CYTH1: variants seen among roughly 807,000 people sequenced by gnomAD.
CYTH1 encodes cytohesin 1.
A neutral mutation model predicts 61.8 loss-of-function variants in CYTH1; 18 were observed. That is an observed-to-expected ratio of 0.29 (90% confidence interval 0.20 to 0.43). CYTH1 has a LOEUF of 0.43. CYTH1 is among the 20% of genes least tolerant of loss of function. CYTH1 has a pLI of 1.00. For synonymous variants in CYTH1, 174 were observed against 184.3 expected (o/e 0.94, Z 0.45); for missense variants, 336 against 510.5 (o/e 0.66, Z 3.29).
At chr17:78,696,230 C>A (rs912984746) in intron 9 of CYTH1, among the ~76,000 whole-genome samples, 1 of 152,204 alleles carries the variant, frequency 6.6e-6, no homozygotes, top group Non-Finnish European at 1.5e-5. Context: ...CTCTTACATG[C>A]CACGTTCCAC....
intron 1 of CYTH1, among the ~76,000 whole-genome samples, chr17:78,714,690 T>G (rs1023522119): frequency 2.0e-5 from 3 of 152,146 alleles, no homozygotes; most frequent in Non-Finnish European, 2.9e-5. Context: ...TCACTCGCCC[T>G]GAAGCCAAGC....
At chr17:78,698,244 A>G in intron 9 of CYTH1, 25 bp downstream of exon 9, 2 of 1,579,692 alleles carry the variant, frequency 1.3e-6, no homozygotes, top group East Asian at 2.2e-5. Flanking sequence ...CAGCTTTAGG[A>G]GCCCTGACTC....
Position 78,759,090 on chromosome 17 carries a change from G to A in CYTH1, c.22+23112C>T, listed in dbSNP as rs1216561159. On this transcript the variant is annotated intron_variant, in intron 1 of 13. Transcript: ENST00000446868. ...TGCACTCCAGCCTGGTCAACAGAGT[G>A]AGATCCTGTCTCAAAACAGAAAGAA... Among the ~76,000 whole-genome samples the A allele has an allele frequency of 1.2e-4, 19 of 152,264 alleles. No individual in the cohort carries two copies. In the East Asian group the frequency reaches 1.5e-3, roughly 12 times the overall value.
intron 10 of CYTH1, 140 bp from the exon 11 acceptor site, chr17:78,692,633 C>T (rs1795456541): frequency 5.8e-6 from 4 of 690,312 alleles, no homozygotes; most frequent in Non-Finnish European, 1.0e-5. Context: ...ACATTGACAT[C>T]AGTAACAAGA....
intron 1 of CYTH1, among the ~76,000 whole-genome samples, chr17:78,729,793 T>A (rs140751276): frequency 1.7e-4 from 26 of 152,264 alleles, no homozygotes; most frequent in African/African-American, 4.6e-4. Flanking sequence ...CAGAATACCT[T>A]CTCACAAGTA....
At position 78,711,896 on chromosome 17, in the gene CYTH1, T is replaced by G. The variant is rs1483485656; in HGVS notation, c.23-2164A>C. ...ATTGGGACCAGCATGGACAACATGGTGAAACCCTGTCTCTACTAAAAAAAA... is the reference window on the plus strand; with the variant it reads ...ATTGGGACCAGCATGGACAACATGGGGAAACCCTGTCTCTACTAAAAAAAA... On this transcript the variant is annotated intron_variant, in intron 1 of 13. Transcript: ENST00000446868. Among the ~76,000 whole-genome samples the G allele has an allele frequency of 2.6e-5, 4 of 151,622 alleles. No homozygotes were observed. The East Asian group carries it at 7.8e-4, about 29-fold the overall frequency.
At chr17:78,724,604 C>T (rs911921165) in intron 1 of CYTH1, among the ~76,000 whole-genome samples, 1 of 152,230 alleles carries the variant, frequency 6.6e-6, no homozygotes, top group Non-Finnish European at 1.5e-5. Flanking sequence ...CCAGGCATTG[C>T]TGAATGTCCC....
chr17:78,713,203 G>A (rs1358622534), intron 1 of CYTH1, among the ~76,000 whole-genome samples: 2 of 151,930 alleles, frequency 1.3e-5, no homozygotes, highest in African/African-American at 2.4e-5. Context: ...TGCGTACACC[G>A]TTCTACAGAA....
At chr17:78,676,718 C>A (rs1176996985) in intron 13 of CYTH1, 1 of 336,292 alleles carries the variant, frequency 3.0e-6, no homozygotes, top group Non-Finnish European at 5.8e-6. Context: ...CATGGACAGA[C>A]CGGCTGGACC....
At chr17:78,689,287 T>C (rs1472924892) in intron 11 of CYTH1, among the ~76,000 whole-genome samples, 1 of 152,178 alleles carries the variant, frequency 6.6e-6, no homozygotes, top group East Asian at 1.9e-4. Flanking sequence ...ACTGATGTAT[T>C]ATTATGGTCT....
chr17:78,687,931 A>C (rs917800783), intron 11 of CYTH1, among the ~76,000 whole-genome samples: 1 of 152,148 alleles, frequency 6.6e-6, no homozygotes, highest in Non-Finnish European at 1.5e-5. Context: ...GCCTTTAGAG[A>C]GCGTCTCACT....
intron 1 of CYTH1, among the ~76,000 whole-genome samples, chr17:78,774,664 G>A (rs35392193): frequency 0.054 from 8,182 of 152,086 alleles, 409 homozygotes; most frequent in South Asian, 0.12. Context: ...TCCCCAGCCC[G>A]CAGCAGCACC....
chr17:78,774,976 G>C (rs757890224), intron 1 of CYTH1, among the ~76,000 whole-genome samples: 1 of 152,254 alleles, frequency 6.6e-6, no homozygotes, highest in African/African-American at 2.4e-5. Flanking sequence ...AATCGGGTTA[G>C]AACTGCCGCA....
At chr17:78,698,175 ACACGCG>A in intron 9 of CYTH1, 88 bp downstream of exon 9, 1 of 1,016,924 alleles carries the variant, frequency 9.8e-7, no homozygotes, top group Non-Finnish European at 1.5e-6. Context: ...ACAAACACGC[ACACGCG>A]CACACACGCA....
chr17:78,687,656 A>G (rs1368665111), intron 11 of CYTH1, among the ~76,000 whole-genome samples: 1 of 152,196 alleles, frequency 6.6e-6, no homozygotes, highest in Non-Finnish European at 1.5e-5. Flanking sequence ...TGTTTGAAAC[A>G]TGTCAGAAAT....
chr17:78,719,588 A>G (rs2144522658), intron 1 of CYTH1, among the ~76,000 whole-genome samples: 1 of 152,328 alleles, frequency 6.6e-6, no homozygotes, highest in South Asian at 2.1e-4. Context: ...GTGGGGTCAG[A>G]TCTTTAAGGC....
chr17:78,683,222 C>G (rs551377900), intron 11 of CYTH1, among the ~76,000 whole-genome samples: 2 of 152,270 alleles, frequency 1.3e-5, no homozygotes, highest in East Asian at 3.9e-4. Context: ...GGCTGAGTCT[C>G]TTCACAGCTG....
chr17:78,761,086 G>C (rs992655943), intron 1 of CYTH1, among the ~76,000 whole-genome samples: 3 of 151,870 alleles, frequency 2.0e-5, no homozygotes, highest in Non-Finnish European at 2.9e-5. Context: ...CACCCACCTC[G>C]GCCTCCCAAA....
intron 1 of CYTH1, among the ~76,000 whole-genome samples, chr17:78,738,230 C>T (rs2093328863): frequency 6.6e-6 from 1 of 152,200 alleles, no homozygotes. Flanking sequence ...TGTGACCTAA[C>T]TCATCTAATC....
Sources: gnomAD v4.1 joint callset for allele counts (sites outside exome capture counted in the v4.1 genomes callset) on GRCh38, gnomAD v4.1.1 for gene constraint, MANE v1.5 for transcripts, NCBI Gene and HGNC (gene_info 2026-07-23, HGNC 2026-07-21) for gene names.